The following MPHOSPH10 variants were observed in gnomAD, a reference collection of about 807,000 sequenced individuals.
MPHOSPH10 encodes M-phase phosphoprotein 10.
A neutral mutation model predicts 77.3 loss-of-function variants in MPHOSPH10; 33 were observed. The ratio of observed to expected loss-of-function variants is 0.43; its 90% CI spans 0.32 to 0.57. The LOEUF (loss-of-function observed/expected upper bound fraction) is 0.57, where lower values mean the gene tolerates loss of function less well. Ranked by LOEUF, MPHOSPH10 falls within the 20% of genes least tolerant of loss-of-function variation. The probability of loss-of-function intolerance (pLI) is 0.07; values close to 1 mark genes in which losing one functional copy is unlikely to be tolerated. For missense variants in MPHOSPH10, 708 were observed against 780.1 expected (o/e 0.91, Z 1.10); for synonymous variants, 245 against 268.0 (o/e 0.91, Z 0.84).
In MPHOSPH10 at chr2:71,134,004, T is replaced by G. The variant is rs1429914488; in HGVS notation, c.825T>G (p.Ser275Arg). 1.4e-5 allele frequency: 22 copies of G among 1,604,584 alleles called. No homozygotes were observed. The highest frequency in any genetic ancestry group is 1.9e-5 in the Non-Finnish European group (22 of 1,175,098). Reference sequence around the variant, plus strand: ...AAGATTTTTTTGATCCAGTTGAAAGTGATGAAGACATAACAAATGTTCATG... The same window carrying G: ...AAGATTTTTTTGATCCAGTTGAAAGGGATGAAGACATAACAAATGTTCATG... ...KYKDFFDPVESDEDITNVHDD... is the reference protein window; with the variant it reads ...KYKDFFDPVERDEDITNVHDD... The change falls in exon 3 of 11, where the codon AGT (serine) becomes AGG (arginine). Residue 275 changes from serine to arginine, a missense_variant. Around this residue, in one of 3 missense-constraint regions of MPHOSPH10, gnomAD observed 433 missense variants for 432.6 expected, o/e 1.00. Coordinates refer to ENST00000244230, the MANE Select transcript of MPHOSPH10 (RefSeq NM_005791.3).
chr2:71,138,951 T>A, intron 5 of MPHOSPH10: 2 of 563,014 alleles, frequency 3.6e-6, no homozygotes. Flanking sequence ...GGAGAATTGC[T>A]TGAACCCAGA....
intron 2 of MPHOSPH10, 105 bp from the exon 3 acceptor site, chr2:71,133,843 A>AC: frequency 1.1e-6 from 1 of 905,488 alleles, no homozygotes. Context: ...AGTGTTATTA[A>AC]GTCAGAAAGT....
At chr2:71,138,187 A>G (rs959893219) in intron 4 of MPHOSPH10, among the ~76,000 whole-genome samples, 2 of 152,264 alleles carry the variant, frequency 1.3e-5, no homozygotes, top group Non-Finnish European at 2.9e-5. Flanking sequence ...GAATTACTTG[A>G]CTTGCGAATA....
rs747670205 is a variant in MPHOSPH10, at chr2:71,134,744, G to A, written c.1045G>A (p.Val349Ile). 6.2e-7 allele frequency: 1 copy of A among 1,608,248 alleles called. No homozygotes were observed. Among genetic ancestry groups the A allele is most frequent in the African/African-American group, 1.3e-5 (1 of 74,716 alleles). The change falls in exon 4 of 11, where the codon GTA (valine) becomes ATA (isoleucine). Residue 349 changes from valine to isoleucine, a missense_variant. Coordinates refer to ENST00000244230, the MANE Select transcript of MPHOSPH10 (RefSeq NM_005791.3). ...AETEDTGVLN[V>I]KKNSDEVKSS... ...AACTGAAGATACAGGTGTTTTAAAT[G>A]TAAAGAAAAATTCTGATGAAGTTAA...
chr2:71,132,849 G>A (rs1202037202), intron 1 of MPHOSPH10, 49 bp from the exon 2 acceptor site: 4 of 1,515,582 alleles, frequency 2.6e-6, no homozygotes, highest in African/African-American at 1.4e-5. Context: ...TAAGAGTGCT[G>A]TGAAATTATT....
chr2:71,138,514 G>A lies in MPHOSPH10; in HGVS notation c.1123G>A (p.Glu375Lys). 6.3e-7 allele frequency: 1 copy of A among 1,591,536 alleles called. No individual in the cohort carries two copies. The highest frequency in any genetic ancestry group is 8.5e-7 in the Non-Finnish European group (1 of 1,170,944). Residue 375 changes from glutamate to lysine, a missense_variant, in exon 5 of 11, where the codon GAA becomes AAA. Coordinates refer to ENST00000244230, the MANE Select transcript of MPHOSPH10 (RefSeq NM_005791.3). ...GATGAATGAAAAAATTGCATCTTTA[G>A]AAAAAGAGTTGTTAGAAAAAAAGCC... ...EKMNEKIASL[E>K]KELLEKKPWQ... is the part of the protein sequence containing the mutation.
At position 71,133,237 on chromosome 2, in the gene MPHOSPH10, T is replaced by C. The variant is rs774079878; in HGVS notation, c.429T>C (p.Asn143=). Residue 143 remains asparagine, a synonymous_variant, in exon 2 of 11, where the codon AAT becomes AAC. Transcript: ENST00000244230. The stretch of plus-strand genomic sequence containing the variant: ...AGGAGGAAGTGTCCGACATGGGTAA[T>C]GATGATCCTGAAATGGGTGAGAGAG... The part of the protein sequence containing the change: ...LEEEEVSDMG[N]DDPEMGERAE... 2 of 1,614,060 alleles carry C rather than the reference T, an allele frequency of 1.2e-6. No individual in the cohort carries two copies. The highest frequency in any genetic ancestry group is 2.7e-5 in the African/African-American group (2 of 75,016).
At position 71,144,029 on chromosome 2, in the gene MPHOSPH10, G is replaced by A. The variant is rs545144731; in HGVS notation, c.1447-399G>A. Among the ~76,000 whole-genome samples, 24 of 152,300 alleles carry A rather than the reference G, an allele frequency of 1.6e-4. No homozygotes were observed. The East Asian group carries it at 4.1e-3, about 26-fold the overall frequency. On this transcript the variant is annotated intron_variant, in intron 7 of 10. Coordinates refer to ENST00000244230, the MANE Select transcript of MPHOSPH10 (RefSeq NM_005791.3). ...TGCCAAGCTTGTTGCCACTGTGGCC[G>A]CATCATTTTACATTCCTACCTATCA...
At chr2:71,145,163 G>A (rs1312259156) in intron 8 of MPHOSPH10, among the ~76,000 whole-genome samples, 2 of 152,148 alleles carry the variant, frequency 1.3e-5, no homozygotes, top group Non-Finnish European at 2.9e-5. Context: ...GGCTCTACCT[G>A]TCTATTCCTT....
At chr2:71,142,231 T>C (rs535244960) in intron 7 of MPHOSPH10, among the ~76,000 whole-genome samples, 7 of 152,324 alleles carry the variant, frequency 4.6e-5, no homozygotes, top group African/African-American at 1.7e-4. Flanking sequence ...TGTTAATGAA[T>C]GCCCCTCAGT....
In MPHOSPH10 at chr2:71,150,057, A is replaced by G. The variant is rs1258489903; in HGVS notation, c.*42A>G. Reference sequence around the variant, plus strand: ...TGTAAATATTAATGTGTAAGCTTATATTGTGTCATTGTTCTGTTTTATAAT... The same window carrying G: ...TGTAAATATTAATGTGTAAGCTTATGTTGTGTCATTGTTCTGTTTTATAAT... On this transcript the variant is annotated 3_prime_UTR_variant, in exon 11 of 11. Transcript: ENST00000244230. 1 of 1,015,686 alleles carries G rather than the reference A, an allele frequency of 9.8e-7. No individual in the cohort carries two copies. The highest frequency in any genetic ancestry group is 1.7e-5 in the African/African-American group (1 of 59,632). 62.9% of individuals were successfully genotyped at this position (1,015,686 alleles called of 1,614,324 possible).
chr2:71,138,336 A>G (rs1673535467), intron 4 of MPHOSPH10, among the ~76,000 whole-genome samples, 154 bp from the exon 5 acceptor site: 1 of 152,238 alleles, frequency 6.6e-6, no homozygotes, highest in Non-Finnish European at 1.5e-5. Context: ...GGCAGCAGAA[A>G]TAGGAAGTCA....
At position 71,139,852 on chromosome 2, in the gene MPHOSPH10, T is replaced by C. The variant is rs1558754863; in HGVS notation, c.1298T>C (p.Ile433Thr). Residue 433 changes from isoleucine to threonine, a missense_variant, in exon 6 of 11, where the codon ATA (isoleucine) becomes ACA (threonine). Transcript: ENST00000244230. The stretch of plus-strand genomic sequence containing the variant: ...CTGGAAGATATCATTAAACAGAGGA[T>C]AAGAGATCAGGTCAGTAAGAATTAA... ...LQLEDIIKQR[I>T]RDQAWDDVVR... 1.2e-6 allele frequency: 2 copies of C among 1,602,876 alleles called. No individual in the cohort carries two copies. The highest frequency in any genetic ancestry group is 1.7e-6 in the Non-Finnish European group (2 of 1,174,292).
chr2:71,147,688 A>G (rs979533583), intron 8 of MPHOSPH10, among the ~76,000 whole-genome samples: 1 of 151,876 alleles, frequency 6.6e-6, no homozygotes, highest in Non-Finnish European at 1.5e-5. Flanking sequence ...AAAAAAAAAA[A>G]GAAAAAGAAA....
At position 71,133,138 on chromosome 2, in the gene MPHOSPH10, T is replaced by C; in HGVS notation, c.330T>C (p.Ser110=). The C allele has an allele frequency of 6.2e-7, 1 of 1,613,870 alleles. No homozygotes were observed. Among genetic ancestry groups the C allele is most frequent in the Non-Finnish European group, 8.5e-7 (1 of 1,179,938 alleles). Residue 110 remains serine, a synonymous_variant, in exon 2 of 11, where the codon AGT becomes AGC. Coordinates refer to ENST00000244230, the MANE Select transcript of MPHOSPH10 (RefSeq NM_005791.3). ...NDEDISLLPE[S]EEQEREEDGS... ...AAGATATCAGTCTTCTCCCAGAGAG[T>C]GAAGAACAGGAACGTGAAGAGGATG...
chr2:71,142,525 T>C (rs1052021555), intron 7 of MPHOSPH10, among the ~76,000 whole-genome samples: 1 of 152,232 alleles, frequency 6.6e-6, no homozygotes, highest in African/African-American at 2.4e-5. Context: ...AGGATGGACT[T>C]GGAGTTCTAG....
At chr2:71,137,392 C>T (rs1673517426) in intron 4 of MPHOSPH10, among the ~76,000 whole-genome samples, 1 of 152,166 alleles carries the variant, frequency 6.6e-6, no homozygotes, top group Non-Finnish European at 1.5e-5. Flanking sequence ...GGTGCGGTGG[C>T]TCATGCCTGT....
chr2:71,134,540 GA>G, intron 3 of MPHOSPH10, 85 bp from the exon 4 acceptor site: 2 of 1,282,118 alleles, frequency 1.6e-6, no homozygotes, highest in Non-Finnish European at 2.2e-6. Flanking sequence ...TATAAAATAA[GA>G]ACTTTATTAA....
intron 1 of MPHOSPH10, among the ~76,000 whole-genome samples, chr2:71,132,337 C>T (rs1282306814): frequency 1.3e-5 from 2 of 152,150 alleles, no homozygotes; most frequent in East Asian, 3.8e-4. Flanking sequence ...CATAATTTGG[C>T]TCCCATCAGT....
Sources: allele counts gnomAD v4.1 joint callset (sites outside exome capture counted in the v4.1 genomes callset), GRCh38; gene constraint gnomAD v4.1.1; regional missense constraint gnomAD v4.1.1; transcripts MANE v1.5; gene names NCBI Gene and HGNC (gene_info 2026-07-23, HGNC 2026-07-21).